Variants in LRRC7 observed in about 807,000 individuals in gnomAD.
The protein encoded by LRRC7 is leucine rich repeat containing 7.
A neutral mutation model predicts 175.7 loss-of-function variants in LRRC7; 23 were observed. The observed-to-expected ratio is 0.13, with a 90% CI of 0.09 to 0.19. The LOEUF (loss-of-function observed/expected upper bound fraction) is 0.19, where lower values mean the gene tolerates loss of function less well. Among genes scored for constraint, LRRC7 ranks in the 10% least tolerant of loss-of-function variants. The pLI is 1.00. For missense variants in LRRC7, 1,354 were observed against 1,904.7 expected (o/e 0.71, Z 5.38); for synonymous variants, 685 against 680.9 (o/e 1.01, Z -0.09).
At chr1:70,093,092 C>T (rs1664146227) in intron 25 of LRRC7, among the ~76,000 whole-genome samples, 1 of 152,088 alleles carries the variant, frequency 6.6e-6, no homozygotes, top group South Asian at 2.1e-4. Flanking sequence ...AAAGAGAAAG[C>T]AGTAGAACAC....
chr1:70,084,754 A>G (rs990042633), intron 24 of LRRC7, among the ~76,000 whole-genome samples: 1 of 152,182 alleles, frequency 6.6e-6, no homozygotes, highest in Admixed American at 6.5e-5. Flanking sequence ...TGGTTACAAC[A>G]TATTAATTCC....
intron 1 of LRRC7, among the ~76,000 whole-genome samples, chr1:69,651,779 G>C (rs1382087517): frequency 6.6e-6 from 1 of 152,144 alleles, no homozygotes; most frequent in Non-Finnish European, 1.5e-5. Context: ...CAAGGGAAAA[G>C]AGAAGAGTGG....
intron 7 of LRRC7, among the ~76,000 whole-genome samples, chr1:69,879,228 A>AAAAAAAAAAAAAC: frequency 7.1e-6 from 1 of 141,350 alleles, no homozygotes; most frequent in African/African-American, 2.6e-5. Flanking sequence ...AAAAAAAAAA[A>AAAAAAAAAAAAAC]AAAAAAAAGA....
At chr1:69,577,860 C>T (rs1382492604) in intron 1 of LRRC7, among the ~76,000 whole-genome samples, 63 of 152,044 alleles carry the variant, frequency 4.1e-4, no homozygotes, top group Non-Finnish European at 7.8e-4. Flanking sequence ...CTTGGCGATG[C>T]GGGCTCTTTT....
intron 23 of LRRC7, among the ~76,000 whole-genome samples, chr1:70,063,983 G>T (rs1311682725): frequency 1.3e-5 from 2 of 152,030 alleles, no homozygotes; most frequent in South Asian, 4.1e-4. Context: ...GAAGTGAAAG[G>T]TTCTACCACC....
At chr1:70,036,659 G>A in intron 20 of LRRC7, 35 bp downstream of exon 20, 7 of 1,557,106 alleles carry the variant, frequency 4.5e-6, no homozygotes, top group Non-Finnish European at 6.1e-6. Context: ...GTTCCCAAAC[G>A]TTTATTTTCA....
chr1:69,819,579 G>C (rs6685760), intron 4 of LRRC7, among the ~76,000 whole-genome samples: 6,994 of 92,652 alleles, frequency 0.075, 218 homozygotes, highest in East Asian at 0.2. Flanking sequence ...CTCTCTCTCT[G>C]TGTGTGTGTG....
chr1:70,025,859 G>T (rs1004192981), intron 17 of LRRC7, among the ~76,000 whole-genome samples: 1 of 150,886 alleles, frequency 6.6e-6, no homozygotes, highest in African/African-American at 2.4e-5. Flanking sequence ...TTCAGAAAAA[G>T]AATATAAAAT....
At chr1:69,768,447 T>C (rs1671864064) in intron 3 of LRRC7, among the ~76,000 whole-genome samples, 1 of 152,178 alleles carries the variant, frequency 6.6e-6, no homozygotes, top group African/African-American at 2.4e-5. Context: ...ACACCCACTA[T>C]CACCACCACT....
chr1:69,694,554 T>C (rs916837831), intron 2 of LRRC7, among the ~76,000 whole-genome samples: 1 of 152,148 alleles, frequency 6.6e-6, no homozygotes, highest in Non-Finnish European at 1.5e-5. Flanking sequence ...GTTTGGATAT[T>C]TTCTTCCCTC....
chr1:69,849,623 T>C (rs1018550047), intron 7 of LRRC7, among the ~76,000 whole-genome samples: 1 of 152,024 alleles, frequency 6.6e-6, no homozygotes, highest in African/African-American at 2.4e-5. Flanking sequence ...AGCTTTACTT[T>C]AGAGAGAATA....
chr1:69,736,983 T>C (rs1464173343), intron 2 of LRRC7, among the ~76,000 whole-genome samples: 1 of 152,100 alleles, frequency 6.6e-6, no homozygotes, highest in Admixed American at 6.6e-5. Flanking sequence ...ACTGTTTACT[T>C]CTTCATAGCT....
Position 70,075,561 on chromosome 1 carries a change from A to C in LRRC7, c.4231-516A>C, listed in dbSNP as rs556125040. On this transcript the variant is annotated intron_variant, in intron 23 of 26. Coordinates refer to ENST00000651989, the MANE Select transcript of LRRC7 (RefSeq NM_001370785.2). ...GGAATTTATCACATGATTAATTTTT[A>C]ATGTAACTTAGAGATTTCAAAGGCT... Among the ~76,000 whole-genome samples the C allele has an allele frequency of 1.7e-4, 26 of 152,300 alleles. No homozygotes were observed. The South Asian group carries it at 5.4e-3, about 32-fold the overall frequency.
chr1:69,571,017 T>C (rs1645718858), intron 1 of LRRC7, among the ~76,000 whole-genome samples: 1 of 152,256 alleles, frequency 6.6e-6, no homozygotes, highest in Non-Finnish European at 1.5e-5. Context: ...CTTAGTAGGC[T>C]AAAGTTTTTA....
chr1:70,042,356 C>T (rs1659980531), intron 21 of LRRC7, among the ~76,000 whole-genome samples: 2 of 152,170 alleles, frequency 1.3e-5, no homozygotes, highest in Non-Finnish European at 2.9e-5. Context: ...GCTTCTTTCC[C>T]AGTGAAATTT....
chr1:70,044,167 A>G, intron 22 of LRRC7, 73 bp downstream of exon 22: 1 of 1,513,604 alleles, frequency 6.6e-7, no homozygotes, highest in Non-Finnish European at 9.0e-7. Context: ...TAATGTGTTT[A>G]GGCTATACAT....
intron 3 of LRRC7, among the ~76,000 whole-genome samples, chr1:69,788,364 T>A (rs1674733031): frequency 6.6e-6 from 1 of 152,228 alleles, no homozygotes; most frequent in South Asian, 2.1e-4. Flanking sequence ...GGGTGTTTAG[T>A]TTTGCTGTAC....
At chr1:69,688,551 T>A (rs1661457769) in intron 2 of LRRC7, among the ~76,000 whole-genome samples, 1 of 152,106 alleles carries the variant, frequency 6.6e-6, no homozygotes, top group African/African-American at 2.4e-5. Context: ...GCATCGATGT[T>A]CTGCAGTTAT....
At chr1:70,065,820 A>G (rs768923315) in intron 23 of LRRC7, among the ~76,000 whole-genome samples, 2 of 152,022 alleles carry the variant, frequency 1.3e-5, no homozygotes, top group African/African-American at 2.4e-5. Context: ...AAGAGGCCAC[A>G]TCTCAACATC....
Sources: gnomAD v4.1 joint callset for allele counts (sites outside exome capture counted in the v4.1 genomes callset) on GRCh38, gnomAD v4.1.1 for gene constraint, MANE v1.5 for transcripts, NCBI Gene and HGNC (gene_info 2026-07-23, HGNC 2026-07-21) for gene names.